SPIDR: variants seen among roughly 807,000 people sequenced by gnomAD.
SPIDR encodes the protein scaffold protein involved in DNA repair, also known as DNA repair-scaffolding protein.
SPIDR carries 93 observed loss-of-function variants against 104.6 expected under a neutral mutation model. The observed-to-expected ratio is 0.89, with a 90% CI of 0.75 to 1.06. The LOEUF (loss-of-function observed/expected upper bound fraction) is 1.06, where lower values mean the gene tolerates loss of function less well. Ranked by LOEUF, SPIDR falls within the 50% of genes least tolerant of loss-of-function variation. SPIDR has a pLI of 0.00. For synonymous variants in SPIDR, 431 were observed against 416.9 expected (o/e 1.03, Z -0.41); for missense variants, 1,154 against 1,111.2 (o/e 1.04, Z -0.55).
intron 2 of SPIDR, among the ~76,000 whole-genome samples, chr8:47,282,549 CCT>C (rs1388480350): frequency 9.2e-4 from 140 of 152,342 alleles, no homozygotes; most frequent in African/African-American, 3.3e-3. Context: ...AGCTTCTTCA[CCT>C]CTCTCAGCCT....
chr8:47,296,696 T>G (rs1488797995), intron 5 of SPIDR, among the ~76,000 whole-genome samples: 6 of 152,330 alleles, frequency 3.9e-5, no homozygotes, highest in African/African-American at 1.4e-4. Flanking sequence ...CTGTGATACC[T>G]CTAGGTTTGT....
At chr8:47,626,613 T>C (rs558938437) in intron 10 of SPIDR, among the ~76,000 whole-genome samples, 1 of 152,336 alleles carries the variant, frequency 6.6e-6, no homozygotes, top group African/African-American at 2.4e-5. Flanking sequence ...AAGACATTTA[T>C]GCAGCCAGAA....
At chr8:47,531,406 C>T (rs1454291489) in intron 8 of SPIDR, among the ~76,000 whole-genome samples, 1 of 152,188 alleles carries the variant, frequency 6.6e-6, no homozygotes, top group South Asian at 2.1e-4. Context: ...CTGCCTGAGG[C>T]TCTTCTTGAG....
intron 8 of SPIDR, among the ~76,000 whole-genome samples, chr8:47,446,870 C>T (rs1554702213): frequency 5.9e-5 from 9 of 152,176 alleles, no homozygotes; most frequent in Non-Finnish European, 1.3e-4. Context: ...CAGGTGTGAA[C>T]TACCATGTCC....
At chr8:47,352,515 G>A (rs941724177) in intron 5 of SPIDR, among the ~76,000 whole-genome samples, 1 of 152,108 alleles carries the variant, frequency 6.6e-6, no homozygotes, top group Non-Finnish European at 1.5e-5. Context: ...GTGAAAGGAA[G>A]GGCTAAACAT....
chr8:47,526,334 T>C (rs1458305839), intron 8 of SPIDR, among the ~76,000 whole-genome samples: 1 of 152,156 alleles, frequency 6.6e-6, no homozygotes, highest in African/African-American at 2.4e-5. Flanking sequence ...AAATTTTGAG[T>C]TTACTATTAA....
chr8:47,407,721 T>C, intron 6 of SPIDR, 140 bp from the exon 7 acceptor site: 1 of 435,964 alleles, frequency 2.3e-6, no homozygotes, highest in Non-Finnish European at 4.0e-6. Flanking sequence ...TCTGGGAAGA[T>C]AATGTGGTAA....
intron 10 of SPIDR, among the ~76,000 whole-genome samples, chr8:47,604,127 A>G (rs1161645524): frequency 1.3e-5 from 2 of 152,224 alleles, no homozygotes; most frequent in East Asian, 3.8e-4. Context: ...TGCAATAAGT[A>G]CCCTGGTGAG....
chr8:47,482,205 C>G (rs1554727703), intron 8 of SPIDR, among the ~76,000 whole-genome samples: 2 of 152,198 alleles, frequency 1.3e-5, no homozygotes, highest in African/African-American at 4.8e-5. Flanking sequence ...CATATTCATT[C>G]CTATTTTTTG....
chr8:47,407,140 A>G (rs1356874286), intron 6 of SPIDR, among the ~76,000 whole-genome samples: 1 of 152,240 alleles, frequency 6.6e-6, no homozygotes, highest in Non-Finnish European at 1.5e-5. Context: ...ATAAGCATAA[A>G]TATATCTCAG....
intron 8 of SPIDR, among the ~76,000 whole-genome samples, chr8:47,578,560 G>T (rs1201561181): frequency 6.6e-6 from 1 of 152,274 alleles, no homozygotes; most frequent in South Asian, 2.1e-4. Flanking sequence ...ATAGCGCTAT[G>T]CTACTACTGA....
At chr8:47,456,493 A>G (rs1195733262) in intron 8 of SPIDR, among the ~76,000 whole-genome samples, 1 of 152,214 alleles carries the variant, frequency 6.6e-6, no homozygotes, top group African/African-American at 2.4e-5. Flanking sequence ...TCTGTTCACA[A>G]TGGAATGAAC....
In SPIDR at chr8:47,615,797, A is replaced by G. The variant is rs542560629; in HGVS notation, c.1544+16601A>G. Among the ~76,000 whole-genome samples, 227 of 152,268 alleles carry G rather than the reference A, an allele frequency of 1.5e-3. 5 individuals are homozygous for G. The highest frequency in any genetic ancestry group is 3.4e-3 in the Middle Eastern group (1 of 294). ...CACTATATGGCAGTAGCTTAATAAT[A>G]TTCAGTTTTTCAGTTCATGAAGACA... On this transcript the variant is annotated intron_variant, in intron 10 of 19. Coordinates refer to ENST00000297423, the MANE Select transcript of SPIDR (RefSeq NM_001080394.4).
chr8:47,533,516 A>G (rs759887473), intron 8 of SPIDR, among the ~76,000 whole-genome samples: 5 of 152,196 alleles, frequency 3.3e-5, no homozygotes, highest in Admixed American at 2.6e-4. Flanking sequence ...TTTGCAAACT[A>G]TGCATCTGAC....
At chr8:47,399,270 C>A (rs1194434837) in intron 6 of SPIDR, among the ~76,000 whole-genome samples, 2 of 152,076 alleles carry the variant, frequency 1.3e-5, no homozygotes, top group Non-Finnish European at 2.9e-5. Flanking sequence ...ATGGGGGTGA[C>A]CTTGTCAGGA....
rs1368059083 is a variant in SPIDR at position 47,630,119 on chromosome 8, C to T, written c.1544+30923C>T. Among the ~76,000 whole-genome samples, 7 of 152,138 alleles carry T rather than the reference C, an allele frequency of 4.6e-5. No individual in the cohort carries two copies. The East Asian group carries it at 9.6e-4, about 21-fold the overall frequency. On this transcript the variant is annotated intron_variant, in intron 10 of 19. Coordinates refer to ENST00000297423, the MANE Select transcript of SPIDR (RefSeq NM_001080394.4). Reference sequence around the variant, plus strand: ...TGAAATGTCAAGTTTTCTCACCATACTTTGTCTCAAATATGTTAAATTACA... The same window carrying T: ...TGAAATGTCAAGTTTTCTCACCATATTTTGTCTCAAATATGTTAAATTACA...
intron 8 of SPIDR, among the ~76,000 whole-genome samples, chr8:47,581,862 A>C (rs774916634): frequency 2.0e-5 from 3 of 152,194 alleles, no homozygotes; most frequent in Non-Finnish European, 4.4e-5. Context: ...CACTCTCCAC[A>C]GACGAAAACA....
At chr8:47,299,789 C>T (rs587644464) in intron 5 of SPIDR, among the ~76,000 whole-genome samples, 1 of 152,292 alleles carries the variant, frequency 6.6e-6, no homozygotes, top group Admixed American at 6.5e-5. Flanking sequence ...CCTTGCATCC[C>T]AGGGATGAAG....
At chr8:47,310,412 T>A (rs1168115515) in intron 5 of SPIDR, among the ~76,000 whole-genome samples, 1 of 151,612 alleles carries the variant, frequency 6.6e-6, no homozygotes, top group Non-Finnish European at 1.5e-5. Context: ...TTTGGAGTTG[T>A]GCTTTTAATA....
Sources: gnomAD v4.1 joint callset for allele counts (sites outside exome capture counted in the v4.1 genomes callset) on GRCh38, gnomAD v4.1.1 for gene constraint, MANE v1.5 for transcripts, NCBI Gene and HGNC (gene_info 2026-07-23, HGNC 2026-07-21) for gene names.